Variants in ARFGAP3 observed in about 807,000 individuals in gnomAD.
ARFGAP3 encodes the protein ADP-ribosylation factor GTPase-activating protein 3.
In ARFGAP3, 72 loss-of-function variants were observed where a neutral mutation model predicts 75.0. The ratio of observed to expected loss-of-function variants is 0.96; its 90% CI spans 0.79 to 1.17. The LOEUF is 1.17. Among genes scored for constraint, ARFGAP3 ranks in the 50% most tolerant of loss-of-function variants. The probability of loss-of-function intolerance (pLI) is 0.00; values close to 1 mark genes in which losing one functional copy is unlikely to be tolerated. For synonymous variants in ARFGAP3, 221 were observed against 217.9 expected (o/e 1.01, Z -0.13); for missense variants, 620 against 626.6 (o/e 0.99, Z 0.11).
intron 1 of ARFGAP3, 21 bp from the exon 2 acceptor site, chr22:42,847,653 C>G (rs367868425): frequency 1.5e-5 from 24 of 1,606,894 alleles, no homozygotes; most frequent in Non-Finnish European, 2.0e-5. Flanking sequence ...ATGTTAAATT[C>G]AGTTACTAAT....
intron 1 of ARFGAP3, among the ~76,000 whole-genome samples, chr22:42,851,419 C>G (rs1003109434): frequency 6.6e-6 from 1 of 152,226 alleles, no homozygotes; most frequent in African/African-American, 2.4e-5. Flanking sequence ...CCGGACCCAT[C>G]ACCTAAGCTA....
At chr22:42,798,285 G>A (rs925132800) in intron 15 of ARFGAP3, among the ~76,000 whole-genome samples, 1 of 152,194 alleles carries the variant, frequency 6.6e-6, no homozygotes, top group African/African-American at 2.4e-5. Flanking sequence ...GCACCTCCAC[G>A]CCCTCCTTGA....
rs780996018 is a variant in ARFGAP3, at chr22:42,817,114, A to T, written c.1064+28T>A. 39 of 1,475,564 alleles carry T rather than the reference A, an allele frequency of 2.6e-5. No homozygotes were observed. The African/African-American group carries it at 4.9e-4, about 18-fold the overall frequency. The allele number at this position is 1,475,564 out of a possible 1,614,324, so 91.4% of individuals were successfully genotyped here. On this transcript the variant is annotated intron_variant, in intron 11 of 15. Transcript: ENST00000263245. Reference sequence around the variant, plus strand: ...ACTAGTCACTGCTTTTCAAAATGACACTTCAACGATGATTTGTAATACAGT... The same window carrying T: ...ACTAGTCACTGCTTTTCAAAATGACTCTTCAACGATGATTTGTAATACAGT...
In ARFGAP3 at chr22:42,797,437, A is replaced by C; in HGVS notation, c.*151T>G. On this transcript the variant is annotated 3_prime_UTR_variant, in exon 16 of 16. Coordinates refer to ENST00000263245, the MANE Select transcript of ARFGAP3 (RefSeq NM_014570.5). ...CCTACATCAGAACTCAGAATTTCTC[A>C]AAAGAAATATTAAAAATCAGAAACA... 9.8e-7 allele frequency: 1 copy of C among 1,018,532 alleles called. No homozygotes were observed. The highest frequency in any genetic ancestry group is 1.6e-5 in the South Asian group (1 of 64,508). 63.1% of individuals were successfully genotyped at this position (1,018,532 alleles called of 1,614,324 possible). A position where few individuals can be genotyped will look rare whatever the true frequency, so the allele number is the denominator to read the frequency against.
chr22:42,799,354 C>T lies in ARFGAP3; in HGVS notation c.1412-194G>A, dbSNP rs115974423. On this transcript the variant is annotated intron_variant, in intron 14 of 15. Coordinates refer to ENST00000263245, the MANE Select transcript of ARFGAP3 (RefSeq NM_014570.5). Reference sequence around the variant, plus strand: ...CATGATCCACATGAGAGAATCCACACGACAGAAAATGTAGTATGGGGGACT... The same window carrying T: ...CATGATCCACATGAGAGAATCCACATGACAGAAAATGTAGTATGGGGGACT... 1,959 of 553,026 alleles carry T rather than the reference C, an allele frequency of 3.5e-3. 35 individuals carry two copies. The African/African-American group carries it at 0.036, about 10-fold the overall frequency. 34.3% of individuals were successfully genotyped at this position (553,026 alleles called of 1,614,324 possible).
intron 2 of ARFGAP3, among the ~76,000 whole-genome samples, chr22:42,846,432 TGGG>T (rs1479892684): frequency 6.6e-6 from 1 of 152,230 alleles, no homozygotes; most frequent in African/African-American, 2.4e-5. Context: ...CACTGGACTG[TGGG>T]GTTATCCCAT....
In ARFGAP3 at chr22:42,808,907, C is replaced by T; in HGVS notation, c.1197-17G>A. The T allele has an allele frequency of 6.3e-7, 1 of 1,582,258 alleles. No homozygotes were observed. The highest frequency in any genetic ancestry group is 1.2e-5 in the South Asian group (1 of 85,822). On this transcript the variant is annotated splice_polypyrimidine_tract_variant and intron_variant, in intron 12 of 15. Transcript: ENST00000263245. ...GCAGTAGGTCTGCAATTAAAAACAGCCAAATTAGGTTAAACTAATTTGAGG... is the reference window on the plus strand; with the variant it reads ...GCAGTAGGTCTGCAATTAAAAACAGTCAAATTAGGTTAAACTAATTTGAGG...
In ARFGAP3 at chr22:42,827,882, G is replaced by A. The variant is rs571475409; in HGVS notation, c.566-883C>T. On this transcript the variant is annotated intron_variant, in intron 6 of 15. Transcript: ENST00000263245. ...GCACACTGCGTGAGCTCAGGAGTTC[G>A]AGACCTCCCACCTTGGCCTCCCAAA... 1.6e-4 allele frequency among the ~76,000 whole-genome samples: 25 copies of A among 151,720 alleles called. 1 individual carries two copies. Among genetic ancestry groups the A allele is most frequent in the East Asian group, 7.9e-4 (4 of 5,084 alleles).
At chr22:42,810,068 CT>C (rs1925296664) in intron 12 of ARFGAP3, among the ~76,000 whole-genome samples, 1 of 151,780 alleles carries the variant, frequency 6.6e-6, no homozygotes, top group African/African-American at 2.4e-5. Flanking sequence ...TAGGCCACCC[CT>C]GACCCATGGA....
At chr22:42,809,799 C>G (rs1282257593) in intron 12 of ARFGAP3, among the ~76,000 whole-genome samples, 1 of 151,292 alleles carries the variant, frequency 6.6e-6, no homozygotes, top group Admixed American at 6.6e-5. Context: ...GTCAGGAGAT[C>G]GAGACCATCC....
At chr22:42,847,427 G>T in intron 2 of ARFGAP3, 87 bp downstream of exon 2, 2 of 1,200,412 alleles carry the variant, frequency 1.7e-6, no homozygotes, top group South Asian at 2.6e-5. Flanking sequence ...GCAAGACACT[G>T]TCTCAAAAAA....
rs1183030579 is a variant in ARFGAP3, at chr22:42,847,519, A to G, written c.183T>C (p.Phe61=). 4.3e-6 allele frequency: 7 copies of G among 1,612,230 alleles called. No individual in the cohort carries two copies. In the Admixed American group the frequency reaches 6.7e-5, roughly 15 times the overall value. The change falls in exon 2 of 16, where the codon TTT becomes TTC. Residue 61 remains phenylalanine (F), a synonymous_variant. Transcript: ENST00000263245. ...ATGAGAGAAGATTCACTTACCGAAT[A>G]AAACTCAAGTGAACACCAAGTGACC... ...SHRSLGVHLS[F]IRSTELDSNW...
chr22:42,828,105 T>C (rs1358387394), intron 6 of ARFGAP3, among the ~76,000 whole-genome samples: 1 of 151,636 alleles, frequency 6.6e-6, no homozygotes, highest in Non-Finnish European at 1.5e-5. Context: ...ACCAACATGG[T>C]GAAACCCCAT....
At chr22:42,810,501 A>C (rs1305130063) in intron 12 of ARFGAP3, among the ~76,000 whole-genome samples, 1 of 152,136 alleles carries the variant, frequency 6.6e-6, no homozygotes, top group East Asian at 1.9e-4. Context: ...ACAAAATCAA[A>C]ACAATATTCC....
intron 6 of ARFGAP3, among the ~76,000 whole-genome samples, chr22:42,830,573 T>G (rs2146559220): frequency 6.6e-6 from 1 of 152,362 alleles, no homozygotes; most frequent in East Asian, 1.9e-4. Context: ...ACATTTTTGT[T>G]GTTAATTTAC....
intron 1 of ARFGAP3, among the ~76,000 whole-genome samples, chr22:42,849,753 G>T (rs544860312): frequency 1.2e-4 from 18 of 151,888 alleles, no homozygotes; most frequent in Admixed American, 3.3e-4. Context: ...AGAGATGGGG[G>T]TCTTGCTATG....
intron 9 of ARFGAP3, among the ~76,000 whole-genome samples, chr22:42,821,220 T>C (rs1382521416): frequency 5.3e-5 from 8 of 152,232 alleles, no homozygotes; most frequent in African/African-American, 1.9e-4. Context: ...ATAAATACTT[T>C]TTTCATTATG....
chr22:42,833,779 G>A (rs964079165), intron 5 of ARFGAP3, among the ~76,000 whole-genome samples: 2 of 152,176 alleles, frequency 1.3e-5, no homozygotes, highest in Non-Finnish European at 1.5e-5. Flanking sequence ...AGCTGGGTGT[G>A]TTGGTGCGCA....
chr22:42,829,772 T>A (rs1293686928), intron 6 of ARFGAP3, among the ~76,000 whole-genome samples: 1 of 152,238 alleles, frequency 6.6e-6, no homozygotes, highest in Non-Finnish European at 1.5e-5. Flanking sequence ...TAGAAGGGCT[T>A]CCTCAATTCA....
Sources: gnomAD v4.1 joint callset for allele counts (sites outside exome capture counted in the v4.1 genomes callset) on GRCh38, gnomAD v4.1.1 for gene constraint, MANE v1.5 for transcripts, NCBI Gene and HGNC (gene_info 2026-07-23, HGNC 2026-07-21) for gene names.